The following CSMD3 variants were observed in gnomAD, a reference collection of about 807,000 sequenced individuals.
The protein encoded by CSMD3 is CUB and Sushi multiple domains 3, also known as CUB and sushi domain-containing protein 3.
CSMD3 carries 177 observed loss-of-function variants against 435.2 expected under a neutral mutation model. The observed-to-expected ratio is 0.41, with a 90% confidence interval of 0.36 to 0.46. CSMD3 has a LOEUF of 0.46. Among genes scored for constraint, CSMD3 ranks in the 20% least tolerant of loss-of-function variants. The pLI is 0.34. For missense variants in CSMD3, 4,265 were observed against 4,504.6 expected (o/e 0.95, Z 1.52); for synonymous variants, 1,656 against 1,520.5 (o/e 1.09, Z -2.07).
intron 22 of CSMD3, among the ~76,000 whole-genome samples, chr8:112,631,401 C>T (rs909195440): frequency 1.3e-5 from 2 of 151,862 alleles, no homozygotes; most frequent in Non-Finnish European, 1.5e-5. Flanking sequence ...TTTGCCCACC[C>T]CTGGTCTATT....
intron 36 of CSMD3, among the ~76,000 whole-genome samples, chr8:112,390,061 G>A (rs966057191): frequency 2.0e-5 from 3 of 152,118 alleles, no homozygotes; most frequent in Admixed American, 6.5e-5. Flanking sequence ...CTCCTGATAC[G>A]TAATATAGTT....
chr8:112,826,679 G>A (rs1015244421), intron 12 of CSMD3, among the ~76,000 whole-genome samples: 3 of 152,118 alleles, frequency 2.0e-5, no homozygotes, highest in Non-Finnish European at 4.4e-5. Context: ...ACAGAATCTG[G>A]ATATCTCGAT....
intron 7 of CSMD3, among the ~76,000 whole-genome samples, chr8:112,975,439 T>C (rs2084809924): frequency 6.6e-6 from 1 of 152,104 alleles, no homozygotes; most frequent in Non-Finnish European, 1.5e-5. Flanking sequence ...AATTACTACA[T>C]GGGATAAATC....
chr8:113,325,665 T>C (rs1435679517), intron 1 of CSMD3, among the ~76,000 whole-genome samples: 3 of 152,198 alleles, frequency 2.0e-5, no homozygotes, highest in Non-Finnish European at 4.4e-5. Context: ...AAGAGTTGTA[T>C]GGTAGAAAAG....
intron 35 of CSMD3, among the ~76,000 whole-genome samples, chr8:112,394,787 C>T (rs1268928174): frequency 3.9e-5 from 6 of 152,156 alleles, no homozygotes; most frequent in Admixed American, 6.5e-5. Flanking sequence ...GACTTTTGTC[C>T]TCCTCCAGTA....
intron 5 of CSMD3, among the ~76,000 whole-genome samples, chr8:113,048,182 T>C (rs1465524359): frequency 1.4e-5 from 2 of 144,798 alleles, no homozygotes; most frequent in Admixed American, 7.3e-5. Flanking sequence ...AAGCTCCGCC[T>C]CCTAGGTTCA....
At chr8:112,734,034 T>C (rs776687640) in intron 13 of CSMD3, among the ~76,000 whole-genome samples, 15 of 151,840 alleles carry the variant, frequency 9.9e-5, no homozygotes, top group Non-Finnish European at 1.9e-4. Flanking sequence ...GACTGCCAAA[T>C]TACCAAATCC....
chr8:112,635,017 G>C (rs528944718), intron 22 of CSMD3, among the ~76,000 whole-genome samples: 1 of 151,984 alleles, frequency 6.6e-6, no homozygotes, highest in Non-Finnish European at 1.5e-5. Flanking sequence ...CAGGATTTTA[G>C]TAAGGATTAA....
chr8:112,538,577 C>G (rs1826356691), intron 27 of CSMD3, among the ~76,000 whole-genome samples: 1 of 151,684 alleles, frequency 6.6e-6, no homozygotes, highest in South Asian at 2.1e-4. Context: ...GAAAAAAAAT[C>G]ATGAAATAAA....
intron 9 of CSMD3, among the ~76,000 whole-genome samples, chr8:112,938,261 G>T (rs541159795): frequency 6.6e-6 from 1 of 152,226 alleles, no homozygotes; most frequent in Non-Finnish European, 1.5e-5. Flanking sequence ...CTTTCTCAAA[G>T]AACAATATGT....
intron 3 of CSMD3, among the ~76,000 whole-genome samples, chr8:113,227,013 A>C (rs2093036048): frequency 6.6e-6 from 1 of 151,596 alleles, no homozygotes; most frequent in Non-Finnish European, 1.5e-5. Flanking sequence ...GGATTATTCT[A>C]TTTTACATAG....
In CSMD3 at chr8:113,162,407, TAC is replaced by T. The variant is rs539935455; in HGVS notation, c.709+11313_709+11314del. Among the ~76,000 whole-genome samples the T allele has an allele frequency of 5.9e-3, 887 of 151,570 alleles. 4 individuals carry two copies. The highest frequency in any genetic ancestry group is 0.019 in the African/African-American group (789 of 41,342). On this transcript the variant is annotated intron_variant, in intron 4 of 70. Transcript: ENST00000297405. ...ATGGAGAAACCCTGTCGCTACTAAA[TAC>T]ACAAAATTAGCTGTGCATGGTGGCA...
At chr8:112,288,887 C>T (rs1819491721) in intron 57 of CSMD3, among the ~76,000 whole-genome samples, 1 of 151,886 alleles carries the variant, frequency 6.6e-6, no homozygotes, top group Admixed American at 6.6e-5. Context: ...TAGATTAGTT[C>T]AATTTACAAC....
intron 1 of CSMD3, among the ~76,000 whole-genome samples, chr8:113,374,849 C>CAAAAAAAAAAAAAAAAG (rs1251115132): frequency 4.8e-5 from 1 of 21,014 alleles, no homozygotes; most frequent in African/African-American, 1.2e-4. Flanking sequence ...AAAAAAAAAC[C>CAAAAAAAAAAAAAAAAG]AATAAAATGA....
Position 112,380,392 on chromosome 8 carries a change from G to T in CSMD3, c.6096C>A (p.Asp2032Glu). Residue 2032 changes from aspartate (D) to glutamate (E), a missense_variant, in exon 38 of 71, where the codon GAC becomes GAA. Asp to Glu is a conservative substitution (Grantham distance 45). This residue lies in a region of CSMD3 where 3,255 missense variants were observed against 3,380.2 expected (regional missense o/e 0.96). Coordinates refer to ENST00000297405, the MANE Select transcript of CSMD3 (RefSeq NM_198123.2). ...GAAATCCTGCAGCAGAAACACTGAT[G>T]TCTGATTGAAAATTTAGATACAGAT... Reference protein sequence around the residue: ...SNNLYLNFQSDISVSAAGFHL... With the variant: ...SNNLYLNFQSEISVSAAGFHL... 1 of 1,601,656 alleles carries T rather than the reference G, an allele frequency of 6.2e-7. No individual in the cohort carries two copies. Among genetic ancestry groups the T allele is most frequent in the Non-Finnish European group, 8.6e-7 (1 of 1,169,132 alleles).
intron 1 of CSMD3, among the ~76,000 whole-genome samples, chr8:113,364,333 G>C (rs2094297607): frequency 6.6e-6 from 1 of 151,736 alleles, no homozygotes; most frequent in Non-Finnish European, 1.5e-5. Context: ...TCTATGTATA[G>C]TTGAGGAGAA....
At chr8:112,881,864 C>T (rs2081457668) in intron 10 of CSMD3, among the ~76,000 whole-genome samples, 1 of 151,816 alleles carries the variant, frequency 6.6e-6, no homozygotes. Flanking sequence ...ATGAGAAACA[C>T]TTATTTACAG....
At chr8:112,864,992 G>C (rs968533355) in intron 10 of CSMD3, among the ~76,000 whole-genome samples, 1 of 152,072 alleles carries the variant, frequency 6.6e-6, no homozygotes, top group African/African-American at 2.4e-5. Flanking sequence ...TCCTGTTTGT[G>C]GAATAAAATG....
At chr8:113,161,483 A>G (rs1050261544) in intron 4 of CSMD3, among the ~76,000 whole-genome samples, 7 of 152,106 alleles carry the variant, frequency 4.6e-5, no homozygotes, top group African/African-American at 1.4e-4. Context: ...TATAGTATAT[A>G]AACTTAAATA....
Sources: allele counts gnomAD v4.1 joint callset (sites outside exome capture counted in the v4.1 genomes callset), GRCh38; gene constraint gnomAD v4.1.1; regional missense constraint gnomAD v4.1.1; transcripts MANE v1.5; gene names NCBI Gene and HGNC (gene_info 2026-07-23, HGNC 2026-07-21).